The following MTREX variants were observed in gnomAD, a reference collection of about 807,000 sequenced individuals.
The protein encoded by MTREX is Mtr4 exosome RNA helicase, also known as exosome RNA helicase MTR4.
In MTREX, 76 loss-of-function variants were observed where a neutral mutation model predicts 135.4. The observed-to-expected ratio is 0.56, with a 90% CI of 0.47 to 0.68. The LOEUF is 0.68. Ranked by LOEUF, MTREX falls within the 30% of genes least tolerant of loss-of-function variation. The probability of loss-of-function intolerance (pLI) is 0.00; values close to 1 mark genes in which losing one functional copy is unlikely to be tolerated. For synonymous variants in MTREX, 404 were observed against 401.6 expected (o/e 1.01, Z -0.07); for missense variants, 920 against 1,262.1 (o/e 0.73, Z 4.11).
At chr5:55,309,878 C>G (rs376348840) in intron 1 of MTREX, among the ~76,000 whole-genome samples, 2 of 151,796 alleles carry the variant, frequency 1.3e-5, no homozygotes, top group Non-Finnish European at 2.9e-5. Context: ...ATCAGGAGTG[C>G]GAAATGAGTG....
chr5:55,328,672 G>A, intron 4 of MTREX, 27 bp from the exon 5 acceptor site: 3 of 1,456,476 alleles, frequency 2.1e-6, no homozygotes, highest in Non-Finnish European at 1.9e-6. Flanking sequence ...ATGTTTTTAT[G>A]CAGATATTAA....
intron 16 of MTREX, among the ~76,000 whole-genome samples, chr5:55,372,197 G>T (rs1750214275): frequency 6.6e-6 from 1 of 152,034 alleles, no homozygotes; most frequent in African/African-American, 2.4e-5. Context: ...TTCTTTTATA[G>T]GGTTTAATTT....
At chr5:55,348,226 A>G (rs748362630) in intron 11 of MTREX, among the ~76,000 whole-genome samples, 12 of 152,210 alleles carry the variant, frequency 7.9e-5, no homozygotes, top group Non-Finnish European at 1.8e-4. Flanking sequence ...GCAGGAGAGC[A>G]TGCAAGAGAG....
intron 21 of MTREX, among the ~76,000 whole-genome samples, chr5:55,403,847 C>T (rs1409740941): frequency 2.0e-5 from 3 of 152,184 alleles, no homozygotes; most frequent in African/African-American, 7.2e-5. Context: ...TGAACCCCAT[C>T]TTTATCACTC....
chr5:55,383,489 A>G (rs190193698), intron 18 of MTREX, among the ~76,000 whole-genome samples: 6 of 151,662 alleles, frequency 4.0e-5, no homozygotes, highest in African/African-American at 7.3e-5. Context: ...GAATATGTCA[A>G]CTCATTGCTT....
intron 12 of MTREX, among the ~76,000 whole-genome samples, chr5:55,350,091 G>A (rs1012013108): frequency 2.0e-5 from 3 of 152,164 alleles, no homozygotes; most frequent in Admixed American, 6.5e-5. Context: ...AAAATATGCT[G>A]ATGCTTTTGT....
rs34518412 is a variant in MTREX, at chr5:55,308,028, C to T, written c.15C>T (p.Phe5=). The change falls in exon 1 of 27, where the codon TTC becomes TTT. Residue 5 remains phenylalanine, a synonymous_variant. Transcript: ENST00000230640. MADA[F]GDELFSVFEG... ...TGCTCCCAAAAATGGCGGACGCATT[C>T]GGAGATGAGCTGTTCAGCGTGTTCG... is the stretch of plus-strand genomic sequence containing the variant. 0.013 allele frequency: 20,830 copies of T among 1,613,998 alleles called. 216 individuals are homozygous for T. The highest frequency in any genetic ancestry group is 0.013 in the Non-Finnish European group (15,523 of 1,180,000).
At chr5:55,418,145 A>C (rs1579905301) in intron 25 of MTREX, among the ~76,000 whole-genome samples, 1 of 150,948 alleles carries the variant, frequency 6.6e-6, no homozygotes, top group Middle Eastern at 3.2e-3. Context: ...GAGGCAGGAG[A>C]ATGGCGTGAA....
At chr5:55,317,342 A>G (rs1201002393) in intron 1 of MTREX, among the ~76,000 whole-genome samples, 1 of 152,220 alleles carries the variant, frequency 6.6e-6, no homozygotes. Context: ...AGCAAAAAGA[A>G]CAAAGCTGGA....
chr5:55,316,220 G>A (rs893156718), intron 1 of MTREX, among the ~76,000 whole-genome samples: 3 of 151,994 alleles, frequency 2.0e-5, no homozygotes, highest in Non-Finnish European at 2.9e-5. Context: ...AAGAAATGTT[G>A]GTAGCATTCC....
intron 17 of MTREX, 70 bp downstream of exon 17, chr5:55,378,556 A>G (rs896445879): frequency 7.5e-5 from 109 of 1,448,398 alleles, no homozygotes; most frequent in Non-Finnish European, 8.6e-5. Context: ...TAAAGATTCT[A>G]ATTTATTTTT....
intron 21 of MTREX, among the ~76,000 whole-genome samples, chr5:55,401,175 C>G (rs902245557): frequency 1.3e-5 from 2 of 152,132 alleles, no homozygotes; most frequent in Admixed American, 1.3e-4. Flanking sequence ...GCTGGGATTA[C>G]AGGCACGCAC....
At chr5:55,350,767 A>C in intron 12 of MTREX, 152 bp from the exon 13 acceptor site, 1 of 644,562 alleles carries the variant, frequency 1.6e-6, no homozygotes, top group Non-Finnish European at 2.6e-6. Context: ...ATCCGTGAGA[A>C]TATAGGTTTG....
At chr5:55,370,353 T>C (rs1750176398) in intron 16 of MTREX, among the ~76,000 whole-genome samples, 1 of 152,232 alleles carries the variant, frequency 6.6e-6, no homozygotes, top group Admixed American at 6.5e-5. Flanking sequence ...TGCCTCGGTT[T>C]CTTCCATTTA....
At chr5:55,417,466 A>G (rs1189927934) in intron 25 of MTREX, among the ~76,000 whole-genome samples, 1 of 152,208 alleles carries the variant, frequency 6.6e-6, no homozygotes, top group Non-Finnish European at 1.5e-5. Context: ...TAAATTTTGG[A>G]TCACCTGAAA....
At chr5:55,385,879 A>G (rs1399796672) in intron 18 of MTREX, among the ~76,000 whole-genome samples, 2 of 152,206 alleles carry the variant, frequency 1.3e-5, no homozygotes, top group African/African-American at 2.4e-5. Flanking sequence ...CTGCCTAACT[A>G]TAAAGGTAGA....
At chr5:55,417,601 T>C (rs1750986126) in intron 25 of MTREX, among the ~76,000 whole-genome samples, 1 of 152,204 alleles carries the variant, frequency 6.6e-6, no homozygotes, top group African/African-American at 2.4e-5. Flanking sequence ...TAATGGTGTT[T>C]AGCCGAGTCA....
chr5:55,354,883 C>T (rs1749885105), intron 14 of MTREX, among the ~76,000 whole-genome samples: 1 of 152,184 alleles, frequency 6.6e-6, no homozygotes, highest in African/African-American at 2.4e-5. Context: ...TAGTGGACAG[C>T]AGTCAACCAA....
intron 22 of MTREX, 27 bp downstream of exon 22, chr5:55,405,615 G>T: frequency 1.3e-6 from 2 of 1,529,056 alleles, no homozygotes; most frequent in South Asian, 1.3e-5. Context: ...GTTCTAGAAA[G>T]TTCATTTTTT....
Sources: gnomAD v4.1 joint callset for allele counts (sites outside exome capture counted in the v4.1 genomes callset) on GRCh38, gnomAD v4.1.1 for gene constraint, MANE v1.5 for transcripts, NCBI Gene and HGNC (gene_info 2026-07-23, HGNC 2026-07-21) for gene names.